The following CSMD1 variants were observed in gnomAD, a reference collection of about 807,000 sequenced individuals.
CSMD1 encodes CUB and sushi domain-containing protein 1.
In CSMD1, 213 loss-of-function variants were observed where a neutral mutation model predicts 417.5. The ratio of observed to expected loss-of-function variants is 0.51; its 90% CI spans 0.46 to 0.57. CSMD1 has a LOEUF of 0.57. CSMD1 is among the 20% of genes least tolerant of loss of function. The pLI is 0.00. For missense variants in CSMD1, 6,923 were observed against 4,529.7 expected, an observed-to-expected ratio of 1.53 and a Z score of -15.17; for synonymous variants, 2,862 against 1,736.8, an observed-to-expected ratio of 1.65 and a Z score of -16.11.
intron 3 of CSMD1, among the ~76,000 whole-genome samples, chr8:4,032,435 A>G (rs1009907250): frequency 6.6e-6 from 1 of 151,994 alleles, no homozygotes; most frequent in South Asian, 2.1e-4. Flanking sequence ...GAGCAACCAG[A>G]TGTCAGTGTC....
chr8:3,312,788 T>A (rs988739721), intron 23 of CSMD1, among the ~76,000 whole-genome samples: 6 of 136,254 alleles, frequency 4.4e-5, no homozygotes, highest in African/African-American at 1.7e-4. Flanking sequence ...TGTCAGCATC[T>A]CTCAGGTTCT....
At chr8:4,748,292 T>C (rs1811083181) in intron 1 of CSMD1, among the ~76,000 whole-genome samples, 1 of 152,246 alleles carries the variant, frequency 6.6e-6, no homozygotes, top group Non-Finnish European at 1.5e-5. Context: ...CATCATCCTT[T>C]CTACAAGAGA....
At chr8:4,722,268 A>G (rs1174507772) in intron 1 of CSMD1, among the ~76,000 whole-genome samples, 1 of 152,164 alleles carries the variant, frequency 6.6e-6, no homozygotes, top group Non-Finnish European at 1.5e-5. Flanking sequence ...CTATCATATT[A>G]TATTCCTTAA....
At chr8:4,461,395 T>C (rs1799807735) in intron 2 of CSMD1, among the ~76,000 whole-genome samples, 1 of 151,580 alleles carries the variant, frequency 6.6e-6, no homozygotes, top group South Asian at 2.1e-4. Context: ...GGCATAAAGA[T>C]AGGTAAAGAA....
chr8:3,928,622 G>C (rs375581418), intron 5 of CSMD1, among the ~76,000 whole-genome samples: 1 of 150,454 alleles, frequency 6.6e-6, no homozygotes, highest in African/African-American at 2.5e-5. Flanking sequence ...AGAAGGAGAA[G>C]GAAGTAATAA....
Position 2,978,629 on chromosome 8 carries a change from G to T in CSMD1, c.8549C>A (p.Ser2850Tyr), listed in dbSNP as rs1483266831. Residue 2850 changes from serine to tyrosine, a missense_variant, in exon 55 of 70, where the codon TCC (serine) becomes TAC (tyrosine). Ser to Tyr is a moderately radical substitution (Grantham distance 144). Coordinates refer to ENST00000635120, the MANE Select transcript of CSMD1 (RefSeq NM_033225.6). Reference sequence around the variant, plus strand: ...TGACTTACCCAAACACTTGGGCAGGGATCGGTCCCATAAGCCATTTGCCAT... The same window carrying T: ...TGACTTACCCAAACACTTGGGCAGGTATCGGTCCCATAAGCCATTTGCCAT... ...TCMANGLWDRSLPKCLAISCG... is the reference protein window; with the variant it reads ...TCMANGLWDRYLPKCLAISCG... 4 of 1,594,984 alleles carry T rather than the reference G, an allele frequency of 2.5e-6. No homozygotes were observed. Among genetic ancestry groups the T allele is most frequent in the Non-Finnish European group, 2.6e-6 (3 of 1,170,260 alleles).
At chr8:4,316,520 C>G (rs753571130) in intron 3 of CSMD1, among the ~76,000 whole-genome samples, 1 of 152,130 alleles carries the variant, frequency 6.6e-6, no homozygotes, top group African/African-American at 2.4e-5. Context: ...AACTATTATT[C>G]CATAATAGAT....
intron 12 of CSMD1, among the ~76,000 whole-genome samples, chr8:3,448,053 A>C (rs10282915): frequency 4.0e-5 from 6 of 151,672 alleles, no homozygotes; most frequent in Admixed American, 3.9e-4. Flanking sequence ...CTTGTGTCAT[A>C]CACAGGATTT....
chr8:3,575,405 G>A (rs751601670), intron 9 of CSMD1, among the ~76,000 whole-genome samples: 17 of 152,138 alleles, frequency 1.1e-4, no homozygotes, highest in African/African-American at 3.4e-4. Flanking sequence ...GAGTGTTCAC[G>A]TAGGTGTCGT....
intron 50 of CSMD1, among the ~76,000 whole-genome samples, chr8:3,036,281 A>C (rs1327808828): frequency 6.6e-6 from 1 of 152,204 alleles, no homozygotes; most frequent in Non-Finnish European, 1.5e-5. Flanking sequence ...ACCATAAATA[A>C]AGCCCTTTGC....
chr8:4,982,631 A>C lies in CSMD1; in HGVS notation c.85+11701T>G, dbSNP rs532354032. ...TAAAAGGTAAGAAGAAATGATAGTC[A>C]CTTCAACTTGTCATATAACACTTTA... On this transcript the variant is annotated intron_variant, in intron 1 of 69. Transcript: ENST00000635120. Among the ~76,000 whole-genome samples, 3 of 152,332 alleles carry C rather than the reference A, an allele frequency of 2.0e-5. No homozygotes were observed. The South Asian group carries it at 6.2e-4, about 32-fold the overall frequency.
intron 57 of CSMD1, among the ~76,000 whole-genome samples, chr8:2,967,562 T>C (rs940985882): frequency 3.3e-5 from 5 of 152,242 alleles, no homozygotes; most frequent in Admixed American, 3.3e-4. Flanking sequence ...GTCGAGCCTA[T>C]TTACCAGAAA....
chr8:3,761,144 G>C (rs555016397), intron 5 of CSMD1, among the ~76,000 whole-genome samples: 4 of 152,152 alleles, frequency 2.6e-5, no homozygotes, highest in South Asian at 4.1e-4. Flanking sequence ...AACATGTTTT[G>C]AGTTTATACA....
At chr8:4,722,637 A>G (rs1413739583) in intron 1 of CSMD1, among the ~76,000 whole-genome samples, 3 of 152,114 alleles carry the variant, frequency 2.0e-5, no homozygotes, top group African/African-American at 7.2e-5. Flanking sequence ...AGGCAATGTA[A>G]TAGTCTCAGC....
chr8:4,149,080 C>A (rs1647368), intron 3 of CSMD1, among the ~76,000 whole-genome samples: 26,823 of 151,900 alleles, frequency 0.18, 2,611 homozygotes, highest in East Asian at 0.29. Context: ...TCTCCTGCCT[C>A]AGCCTCCCAA....
chr8:4,061,283 A>G (rs530082024), intron 3 of CSMD1, among the ~76,000 whole-genome samples: 1 of 152,334 alleles, frequency 6.6e-6, no homozygotes, highest in South Asian at 2.1e-4. Flanking sequence ...GACTTCACAG[A>G]GAGGTACATC....
chr8:4,414,402 C>G (rs1430439116), intron 3 of CSMD1, among the ~76,000 whole-genome samples: 1 of 152,074 alleles, frequency 6.6e-6, no homozygotes, highest in Non-Finnish European at 1.5e-5. Context: ...GAACTGTAGG[C>G]CATTTTCTTT....
chr8:4,171,104 C>T (rs1028830617), intron 3 of CSMD1, among the ~76,000 whole-genome samples: 2 of 151,864 alleles, frequency 1.3e-5, no homozygotes, highest in African/African-American at 4.9e-5. Context: ...GCTGTACTAC[C>T]TGCCCTTCAG....
At chr8:3,343,241 G>C (rs999970335) in intron 23 of CSMD1, 53 bp downstream of exon 23, 8 of 1,484,116 alleles carry the variant, frequency 5.4e-6, no homozygotes, top group African/African-American at 4.2e-5. Context: ...CCAAGTATCA[G>C]ATATGTCCTG....
Sources: gnomAD v4.1 joint callset for allele counts (sites outside exome capture counted in the v4.1 genomes callset) on GRCh38, gnomAD v4.1.1 for gene constraint, MANE v1.5 for transcripts, NCBI Gene and HGNC (gene_info 2026-07-23, HGNC 2026-07-21) for gene names.